The following RNF144A variants were observed in gnomAD, a reference collection of about 807,000 sequenced individuals.
RNF144A encodes E3 ubiquitin-protein ligase RNF144A.
A neutral mutation model predicts 38.7 loss-of-function variants in RNF144A; 11 were observed. The observed-to-expected ratio is 0.28, with a 90% CI of 0.18 to 0.47. The LOEUF is 0.47. Ranked by LOEUF, RNF144A falls within the 20% of genes least tolerant of loss-of-function variation. The probability of loss-of-function intolerance (pLI) is 0.99; values close to 1 mark genes in which losing one functional copy is unlikely to be tolerated. For missense variants in RNF144A, 316 were observed against 377.2 expected (o/e 0.84, Z 1.34); for synonymous variants, 149 against 143.9 (o/e 1.04, Z -0.25).
At chr2:7,060,895 T>C (rs1673926159) in intron 6 of RNF144A, among the ~76,000 whole-genome samples, 1 of 152,200 alleles carries the variant, frequency 6.6e-6, no homozygotes, top group Admixed American at 6.5e-5. Context: ...GAATTGCAAA[T>C]ACCTATGTAT....
At chr2:6,965,349 A>G (rs1456410497) in intron 2 of RNF144A, among the ~76,000 whole-genome samples, 1 of 152,170 alleles carries the variant, frequency 6.6e-6, no homozygotes, top group African/African-American at 2.4e-5. Flanking sequence ...AGCGGCCCCC[A>G]CCACACATGT....
At chr2:6,963,787 G>A (rs1667485995) in intron 2 of RNF144A, among the ~76,000 whole-genome samples, 1 of 152,128 alleles carries the variant, frequency 6.6e-6, no homozygotes, top group South Asian at 2.1e-4. Context: ...GAGGAGCTGG[G>A]GACGTCAAAA....
intron 2 of RNF144A, among the ~76,000 whole-genome samples, chr2:6,975,263 C>T (rs567195993): frequency 1.3e-5 from 2 of 152,238 alleles, no homozygotes; most frequent in Non-Finnish European, 2.9e-5. Flanking sequence ...CATCAGATGT[C>T]GTGAGACCCA....
At chr2:6,986,809 G>T (rs1398915082) in intron 2 of RNF144A, among the ~76,000 whole-genome samples, 1 of 152,034 alleles carries the variant, frequency 6.6e-6, no homozygotes, top group East Asian at 1.9e-4. Context: ...TGAGGGGCAG[G>T]GTTGCTGTGA....
intron 7 of RNF144A, among the ~76,000 whole-genome samples, chr2:7,026,463 G>T (rs746470914): frequency 6.7e-6 from 1 of 150,010 alleles, no homozygotes; most frequent in Non-Finnish European, 1.5e-5. Flanking sequence ...GGCCTTCAAG[G>T]TCTTATTTAT....
chr2:6,972,895 G>T (rs927279015), intron 2 of RNF144A, among the ~76,000 whole-genome samples: 4 of 152,182 alleles, frequency 2.6e-5, no homozygotes, highest in African/African-American at 9.7e-5. Flanking sequence ...TATAATAATG[G>T]TAGACACCAG....
At chr2:7,065,758 T>C (rs1674187446) in intron 6 of RNF144A, among the ~76,000 whole-genome samples, 1 of 152,258 alleles carries the variant, frequency 6.6e-6, no homozygotes, top group South Asian at 2.1e-4. Context: ...CTTTGGTTCT[T>C]CTCTGAAAGC....
In RNF144A at chr2:7,066,308, T is replaced by C. The variant is rs193026676; in HGVS notation, c.735-1908T>C. ...TTCACCGTGTTAGCCAGGATGGTCT[T>C]GATCTCCTGACCTCGTGATCTGCCC... On this transcript the variant is annotated intron_variant, in intron 6 of 6. Coordinates refer to the RNF144A transcript ENST00000432850. 1.5e-3 allele frequency among the ~76,000 whole-genome samples: 235 copies of C among 152,198 alleles called. 1 individual carries two copies. In the South Asian group the frequency reaches 0.021, roughly 13 times the overall value.
Position 7,043,890 on chromosome 2 carries a change from A to G in RNF144A, c.*4130A>G, listed in dbSNP as rs1489093190. On this transcript the variant is annotated 3_prime_UTR_variant, in exon 9 of 9. Transcript: ENST00000320892. ...AAATATGCATGAATGAGTCATGCAC[A>G]TGTATACGTTATGTATTTGACAAGT... 19 of 985,742 alleles carry G rather than the reference A, an allele frequency of 1.9e-5. No homozygotes were observed. Among genetic ancestry groups the G allele is most frequent in the South Asian group, 4.7e-5 (1 of 21,288 alleles). 61.1% of individuals were successfully genotyped at this position (985,742 alleles called of 1,614,324 possible).
chr2:7,034,886 G>A (rs1438822311), intron 8 of RNF144A, among the ~76,000 whole-genome samples: 1 of 152,174 alleles, frequency 6.6e-6, no homozygotes, highest in Non-Finnish European at 1.5e-5. Context: ...TGGGAAGTTA[G>A]GGGCAGAGTC....
chr2:6,996,289 C>A (rs1429759587), intron 2 of RNF144A, among the ~76,000 whole-genome samples: 1 of 152,196 alleles, frequency 6.6e-6, no homozygotes, highest in Non-Finnish European at 1.5e-5. Context: ...TGTATTTTAG[C>A]AAAAGCTTCT....
At chr2:7,047,777 C>G (rs1673367717), downstream of RNF144A, among the ~76,000 whole-genome samples, 1 of 152,200 alleles carries the variant, frequency 6.6e-6, no homozygotes, top group South Asian at 2.1e-4. Flanking sequence ...TCTTCTGAGC[C>G]AGGCATTTGC....
intron 8 of RNF144A, among the ~76,000 whole-genome samples, chr2:7,037,547 T>C (rs974245830): frequency 6.6e-6 from 1 of 152,260 alleles, no homozygotes; most frequent in Non-Finnish European, 1.5e-5. Flanking sequence ...CCACCGTTGA[T>C]ATGTTGTTCA....
chr2:7,064,361 T>TA (rs869107480), intron 6 of RNF144A, among the ~76,000 whole-genome samples: 3 of 152,094 alleles, frequency 2.0e-5, no homozygotes, highest in African/African-American at 7.2e-5. Flanking sequence ...AACTTATTTT[T>TA]AAAAAAATAA....
At chr2:6,928,764 C>A (rs1223083351) in intron 1 of RNF144A, among the ~76,000 whole-genome samples, 1 of 152,242 alleles carries the variant, frequency 6.6e-6, no homozygotes, top group Non-Finnish European at 1.5e-5. Flanking sequence ...GGCCTCCTAT[C>A]ACCTGACACC....
chr2:6,998,823 A>C (rs1366363007), intron 3 of RNF144A, among the ~76,000 whole-genome samples: 1 of 141,642 alleles, frequency 7.1e-6, no homozygotes, highest in African/African-American at 2.7e-5. Context: ...ATGCAAAATC[A>C]CCTCCTCTTA....
rs549805307 is a variant in RNF144A at position 6,973,426 on chromosome 2, G to A, written c.-11-23490G>A. ...GTGTATATCGGCATGTAAGGCCCTC[G>A]TATTGCCATCAAACACGCAGATTAA... On this transcript the variant is annotated intron_variant, in intron 2 of 8. Coordinates refer to ENST00000320892, the MANE Select transcript of RNF144A (RefSeq NM_014746.6). 3.9e-5 allele frequency among the ~76,000 whole-genome samples: 6 copies of A among 152,262 alleles called. No homozygotes were observed. In the East Asian group the frequency reaches 5.8e-4, roughly 15 times the overall value.
chr2:6,925,300 C>G (rs764829011), intron 1 of RNF144A, among the ~76,000 whole-genome samples: 4 of 152,200 alleles, frequency 2.6e-5, no homozygotes, highest in African/African-American at 7.2e-5. Flanking sequence ...CAGTGAAGCA[C>G]TATCCAAGGC....
In RNF144A at chr2:7,042,999, C is replaced by G. The variant is rs184165431; in HGVS notation, c.*3239C>G. The stretch of plus-strand genomic sequence containing the variant: ...TCTCCTGCCTCAGCCTCCCAAGTAG[C>G]TGGGATTACAGGCACCCACCACCTC... On this transcript the variant is annotated 3_prime_UTR_variant, in exon 9 of 9. Transcript: ENST00000320892. 3.7e-4 allele frequency: 187 copies of G among 511,312 alleles called. 1 individual carries two copies. The African/African-American group carries it at 3.7e-3, about 10-fold the overall frequency. The allele number at this position is 511,312 out of a possible 1,614,324, so 31.7% of individuals were successfully genotyped here. A position where few individuals can be genotyped will look rare whatever the true frequency, so the allele number is the denominator to read the frequency against.
Sources: allele counts gnomAD v4.1 joint callset (sites outside exome capture counted in the v4.1 genomes callset), GRCh38; gene constraint gnomAD v4.1.1; transcripts MANE v1.5; gene names NCBI Gene and HGNC (gene_info 2026-07-23, HGNC 2026-07-21).